Variants in SBF2 observed in about 807,000 individuals in gnomAD.
The protein encoded by SBF2 is myotubularin-related protein 13.
In SBF2, 112 loss-of-function variants were observed where a neutral mutation model predicts 225.2. That is an observed-to-expected ratio of 0.50 (90% CI 0.43 to 0.58). The LOEUF (loss-of-function observed/expected upper bound fraction) is 0.58. Ranked by LOEUF, SBF2 falls within the 20% of genes least tolerant of loss-of-function variation. The pLI is 0.00. For synonymous variants in SBF2, 763 were observed against 773.3 expected (o/e 0.99, Z 0.22); for missense variants, 1,996 against 2,206.2 (o/e 0.90, Z 1.91).
chr11:10,162,639 A>C (rs1955801292), intron 2 of SBF2, among the ~76,000 whole-genome samples: 2 of 152,306 alleles, frequency 1.3e-5, no homozygotes, highest in East Asian at 3.9e-4. Flanking sequence ...AATTATCAGA[A>C]CCAAATTACC....
chr11:9,808,356 A>C lies in SBF2; in HGVS notation c.4258-171T>G. ...ATAAAATTAATTTTGTAAACTTGCC[A>C]GTAAAAACTAAAGCTCAAATTCATT... is the stretch of plus-strand genomic sequence containing the variant. On this transcript the variant is annotated intron_variant, in intron 31 of 39. Coordinates refer to ENST00000256190, the MANE Select transcript of SBF2 (RefSeq NM_030962.4). The C allele has an allele frequency of 4.6e-6, 3 of 649,798 alleles. No homozygotes were observed. In the South Asian group the frequency reaches 5.4e-5, roughly 12 times the overall value. 40.3% of individuals were successfully genotyped at this position (649,798 alleles called of 1,614,324 possible). A position where few individuals can be genotyped will look rare whatever the true frequency, so the allele number is the denominator to read the frequency against.
In SBF2 at chr11:10,303,963, T is replaced by G. The variant is rs1201090622; in HGVS notation, n.386+529A>C. On this transcript the variant is annotated intron_variant and non_coding_transcript_variant, in intron 1 of 5. Coordinates refer to the SBF2 transcript ENST00000685217. The surrounding 1 kb of genome is among the most constrained non-coding windows in gnomAD (Gnocchi z 5.2). ...GACTCTCCTTTGCCCCTTGAGAAGT[T>G]GGTGACCCCAGCCTAGAGGAATCCA... 6.6e-6 allele frequency among the ~76,000 whole-genome samples: 1 copy of G among 152,112 alleles called. No homozygotes were observed. The highest frequency in any genetic ancestry group is 1.5e-5 in the Non-Finnish European group (1 of 68,020).
intron 3 of SBF2, among the ~76,000 whole-genome samples, chr11:10,032,229 G>A (rs1032338443): frequency 5.9e-5 from 9 of 151,994 alleles, no homozygotes; most frequent in Admixed American, 1.3e-4. Context: ...TGATTCTCCC[G>A]CTTAACAAAC....
At chr11:9,784,214 C>A in intron 38 of SBF2, 137 bp downstream of exon 38, 1 of 696,082 alleles carries the variant, frequency 1.4e-6, no homozygotes, top group South Asian at 1.6e-5. Context: ...CCTTGAGGAG[C>A]CTCCAGACTA....
At chr11:10,030,758 C>T (rs182236909) in intron 4 of SBF2, among the ~76,000 whole-genome samples, 300 of 152,256 alleles carry the variant, frequency 2.0e-3, no homozygotes, top group African/African-American at 6.5e-3. Flanking sequence ...ACATTTACTA[C>T]AGGTAATCAA....
chr11:9,822,299 C>T (rs2133920213), intron 28 of SBF2, among the ~76,000 whole-genome samples: 3 of 140,812 alleles, frequency 2.1e-5, no homozygotes, highest in East Asian at 4.2e-4. Context: ...CTCGCTCTGT[C>T]ACCCAGGCTG....
intron 2 of SBF2, among the ~76,000 whole-genome samples, chr11:10,052,781 T>C (rs1476700595): frequency 1.3e-5 from 2 of 152,182 alleles, no homozygotes; most frequent in African/African-American, 2.4e-5. Context: ...CTGTTAGACA[T>C]TAAGGTCATA....
intron 26 of SBF2, among the ~76,000 whole-genome samples, chr11:9,835,975 C>T (rs1427148365): frequency 6.6e-6 from 1 of 151,922 alleles, no homozygotes; most frequent in Non-Finnish European, 1.5e-5. Context: ...TTCTACTCCA[C>T]CTAAGAGGAG....
Position 10,165,948 on chromosome 11 carries a change from T to G in SBF2, c.141+27954A>C, listed in dbSNP as rs373525045. Among the ~76,000 whole-genome samples, 11 of 152,260 alleles carry G rather than the reference T, an allele frequency of 7.2e-5. No homozygotes were observed. In the East Asian group the frequency reaches 1.3e-3, roughly 19 times the overall value. The stretch of plus-strand genomic sequence containing the variant: ...ATGTCAAGTTAATGGTCCTATAAAC[T>G]CACAGAAAAGAATAAGACTCTTAAA... On this transcript the variant is annotated intron_variant, in intron 2 of 39. Coordinates refer to ENST00000256190, the MANE Select transcript of SBF2 (RefSeq NM_030962.4).
chr11:9,927,712 AT>A (rs1864162181), intron 16 of SBF2, among the ~76,000 whole-genome samples: 1 of 152,230 alleles, frequency 6.6e-6, no homozygotes, highest in Non-Finnish European at 1.5e-5. Context: ...CGGAAAAAAA[AT>A]CTGACAAAAT....
At chr11:10,236,112 A>G (rs949579158) in intron 1 of SBF2, among the ~76,000 whole-genome samples, 4 of 152,124 alleles carry the variant, frequency 2.6e-5, no homozygotes, top group African/African-American at 9.7e-5. Flanking sequence ...ATATAACCAG[A>G]AAGTACAAAT....
chr11:9,832,237 G>A lies in SBF2; in HGVS notation c.3639C>T (p.Asn1213=), dbSNP rs750262246. 1.2e-6 allele frequency: 2 copies of A among 1,608,578 alleles called. No individual in the cohort carries two copies. The highest frequency in any genetic ancestry group is 1.7e-6 in the Non-Finnish European group (2 of 1,176,476). Residue 1213 remains asparagine (N), a synonymous_variant, in exon 27 of 40, where the codon AAC becomes AAT. Coordinates refer to ENST00000256190, the MANE Select transcript of SBF2 (RefSeq NM_030962.4). The stretch of plus-strand genomic sequence containing the variant: ...AGAGATGCTTACCGGCCTGAGGGGA[G>A]TTCTGAGATTTGAAAAGACCAACGA... ...KGVVGLFKSQ[N]SPQAAPTSSL...
chr11:10,028,341 A>C (rs1949123400), intron 6 of SBF2, 111 bp downstream of exon 6: 1 of 741,888 alleles, frequency 1.3e-6, no homozygotes, highest in Non-Finnish European at 2.4e-6. Context: ...TAAAATATTT[A>C]ATGGTTTAAA....
At chr11:10,035,144 T>A (rs1252590550) in intron 3 of SBF2, among the ~76,000 whole-genome samples, 1 of 152,122 alleles carries the variant, frequency 6.6e-6, no homozygotes, top group East Asian at 1.9e-4. Flanking sequence ...TTTTCTTTTT[T>A]TTTGTATTTT....
At chr11:10,069,899 T>C (rs1471603065) in intron 2 of SBF2, among the ~76,000 whole-genome samples, 2 of 152,252 alleles carry the variant, frequency 1.3e-5, no homozygotes, top group Non-Finnish European at 2.9e-5. Flanking sequence ...TTTGCATTTC[T>C]CTGATGACCA....
intron 1 of SBF2, among the ~76,000 whole-genome samples, chr11:10,299,977 T>TA (rs1304584930): frequency 1.3e-5 from 2 of 152,228 alleles, no homozygotes; most frequent in African/African-American, 4.8e-5. Flanking sequence ...ATGACCTCTT[T>TA]AATCTCATTT....
intron 1 of SBF2, among the ~76,000 whole-genome samples, chr11:10,234,447 A>T (rs975456449): frequency 1.3e-5 from 2 of 152,204 alleles, no homozygotes; most frequent in East Asian, 3.8e-4. Context: ...TTTTATAACC[A>T]TATCAATTTT....
At chr11:9,917,424 C>T (rs1363995030) in intron 16 of SBF2, among the ~76,000 whole-genome samples, 8 of 151,466 alleles carry the variant, frequency 5.3e-5, no homozygotes, top group East Asian at 1.9e-4. Flanking sequence ...CTCCGCCTCC[C>T]GAGTTCAAGC....
chr11:10,151,521 G>A (rs1955191531), intron 2 of SBF2, among the ~76,000 whole-genome samples: 1 of 152,130 alleles, frequency 6.6e-6, no homozygotes, highest in Non-Finnish European at 1.5e-5. Context: ...AAAGTATACA[G>A]CAGGTTAATC....
Sources: gnomAD v4.1 joint callset for allele counts (sites outside exome capture counted in the v4.1 genomes callset) on GRCh38, gnomAD v4.1.1 for gene constraint, Gnocchi (gnomAD v3.1) non-coding constraint, MANE v1.5 for transcripts, NCBI Gene and HGNC (gene_info 2026-07-23, HGNC 2026-07-21) for gene names.